BTBD16: variants seen among roughly 807,000 people sequenced by gnomAD.
BTBD16 encodes the protein BTB domain containing 16, also known as BTB/POZ domain-containing protein 16.
Under a neutral mutation model 67.4 loss-of-function variants are expected in BTBD16, and 66 were observed. The ratio of observed to expected loss-of-function variants is 0.98; its 90% CI spans 0.80 to 1.20. BTBD16 has a LOEUF of 1.20. BTBD16 is among the 50% of genes most tolerant of loss of function. The probability of loss-of-function intolerance (pLI) is 0.00; values close to 1 mark genes in which losing one functional copy is unlikely to be tolerated. For synonymous variants in BTBD16, 242 were observed against 236.4 expected (o/e 1.02, Z -0.22); for missense variants, 634 against 616.0 (o/e 1.03, Z -0.31).
intron 6 of BTBD16, among the ~76,000 whole-genome samples, chr10:122,290,781 C>G (rs544928126): frequency 2.6e-5 from 4 of 152,174 alleles, no homozygotes; most frequent in African/African-American, 9.7e-5. Context: ...CACATTCCTG[C>G]GCAGGCCACA....
chr10:122,294,491 TCACA>T (rs1169482474), intron 7 of BTBD16, among the ~76,000 whole-genome samples: 2 of 152,208 alleles, frequency 1.3e-5, no homozygotes, highest in Admixed American at 1.3e-4. Context: ...TGGGCTGGAG[TCACA>T]GCAGGGATTG....
chr10:122,280,181 ATACTGTCT>A (rs1215704814), intron 3 of BTBD16, among the ~76,000 whole-genome samples: 1 of 152,188 alleles, frequency 6.6e-6, no homozygotes, highest in African/African-American at 2.4e-5. Flanking sequence ...CAAATCACGG[ATACTGTCT>A]TACAGGGTTG....
intron 10 of BTBD16, among the ~76,000 whole-genome samples, chr10:122,308,952 G>A (rs1022781): frequency 0.014 from 2,071 of 152,192 alleles, 33 homozygotes; most frequent in South Asian, 0.048. Context: ...CTGTCCATCC[G>A]TGATGGGGGC....
At chr10:122,326,796 C>T (rs779145465) in intron 10 of BTBD16, among the ~76,000 whole-genome samples, 42 of 152,276 alleles carry the variant, frequency 2.8e-4, no homozygotes, top group South Asian at 6.2e-4. Context: ...CAGGGTTTCT[C>T]AGTGAACTTT....
chr10:122,327,574 G>C (rs997683250), intron 10 of BTBD16: 4 of 985,354 alleles, frequency 4.1e-6, no homozygotes, highest in Non-Finnish European at 4.8e-6. Flanking sequence ...CCTGCCTCGG[G>C]GGTCCCAGCT....
At chr10:122,299,886 C>T (rs2096390631) in intron 9 of BTBD16, among the ~76,000 whole-genome samples, 1 of 152,172 alleles carries the variant, frequency 6.6e-6, no homozygotes, top group Non-Finnish European at 1.5e-5. Flanking sequence ...CAGCCTTTGC[C>T]TCTGGTGACC....
At chr10:122,303,642 A>G (rs1296127355) in intron 9 of BTBD16, 2 of 836,422 alleles carry the variant, frequency 2.4e-6, no homozygotes, top group Non-Finnish European at 2.9e-6. Flanking sequence ...TTGTTTATAT[A>G]TAATTTTCTC....
intron 15 of BTBD16, among the ~76,000 whole-genome samples, chr10:122,337,173 G>T (rs2096464582): frequency 6.6e-6 from 1 of 152,178 alleles, no homozygotes; most frequent in African/African-American, 2.4e-5. Flanking sequence ...ATAAGACTTT[G>T]CTACAAGCCA....
At chr10:122,334,814 G>T in intron 13 of BTBD16, 67 bp from the exon 14 acceptor site, 4 of 986,526 alleles carry the variant, frequency 4.1e-6, no homozygotes, top group Non-Finnish European at 4.8e-6. Flanking sequence ...GAACCACCAC[G>T]CCCGGGTGAC....
chr10:122,316,922 G>A (rs1049843745), intron 10 of BTBD16, among the ~76,000 whole-genome samples: 4 of 152,096 alleles, frequency 2.6e-5, no homozygotes, highest in African/African-American at 9.7e-5. Flanking sequence ...TGAGTAGCTG[G>A]GATTACAGGC....
intron 10 of BTBD16, among the ~76,000 whole-genome samples, chr10:122,321,013 C>A (rs148908163): frequency 6.6e-6 from 1 of 152,136 alleles, no homozygotes; most frequent in Non-Finnish European, 1.5e-5. Context: ...CCTCCCTCCC[C>A]ACTCTAGTAG....
chr10:122,326,612 C>T (rs772478220), intron 10 of BTBD16, among the ~76,000 whole-genome samples: 30 of 152,168 alleles, frequency 2.0e-4, no homozygotes, highest in Non-Finnish European at 3.8e-4. Context: ...TGGCGAAGAG[C>T]ACCTCTAAAA....
At chr10:122,319,376 A>T (rs1018411455) in intron 10 of BTBD16, among the ~76,000 whole-genome samples, 2 of 152,078 alleles carry the variant, frequency 1.3e-5, no homozygotes, top group African/African-American at 4.8e-5. Context: ...ATTTATATTT[A>T]TGATTAATTT....
intron 6 of BTBD16, 96 bp downstream of exon 6, chr10:122,290,094 A>G (rs2096371147): frequency 1.2e-6 from 1 of 814,166 alleles, no homozygotes; most frequent in African/African-American, 1.7e-5. Context: ...AAAACAAACC[A>G]ACAGTAGACA....
chr10:122,283,784 G>A, intron 3 of BTBD16, 67 bp from the exon 4 acceptor site: 1 of 1,178,652 alleles, frequency 8.5e-7, no homozygotes, highest in East Asian at 2.4e-5. Context: ...CTAGAATAAT[G>A]CATGTTGTAG....
intron 3 of BTBD16, among the ~76,000 whole-genome samples, chr10:122,283,261 G>A (rs2096356703): frequency 6.6e-6 from 1 of 152,240 alleles, no homozygotes; most frequent in Non-Finnish European, 1.5e-5. Context: ...AGCAAGAACA[G>A]CAAAGAGAGA....
At chr10:122,319,095 T>A (rs2096431215) in intron 10 of BTBD16, among the ~76,000 whole-genome samples, 3 of 152,258 alleles carry the variant, frequency 2.0e-5, no homozygotes, top group African/African-American at 7.2e-5. Flanking sequence ...TATTATTGAC[T>A]TGTGAGTATT....
rs1205860772 is a variant in BTBD16 at position 122,276,923 on chromosome 10, T to C, written c.151T>C (p.Leu51=). 1.2e-6 allele frequency: 2 copies of C among 1,614,062 alleles called. No individual in the cohort carries two copies. The highest frequency in any genetic ancestry group is 2.2e-5 in the South Asian group (2 of 91,060). The change falls in exon 3 of 16, where the codon TTG becomes CTG. Residue 51 remains leucine (L), a synonymous_variant. Transcript: ENST00000260723. ...TCTGAGCATAGACTTTGAGGAAGCTTTGAGGAACCCAGACAGGTATGGAGA... is the reference window on the plus strand; with the variant it reads ...TCTGAGCATAGACTTTGAGGAAGCTCTGAGGAACCCAGACAGGTATGGAGA... ...KALSIDFEEA[L]RNPDRLCISQ... is the part of the protein sequence containing the mutation.
intron 3 of BTBD16, among the ~76,000 whole-genome samples, chr10:122,282,211 T>A (rs2096354603): frequency 6.6e-6 from 1 of 152,296 alleles, no homozygotes; most frequent in South Asian, 2.1e-4. Context: ...AGTCTGTGGC[T>A]CCATTTTGGG....
Sources: allele counts gnomAD v4.1 joint callset (sites outside exome capture counted in the v4.1 genomes callset), GRCh38; gene constraint gnomAD v4.1.1; transcripts MANE v1.5; gene names NCBI Gene and HGNC (gene_info 2026-07-23, HGNC 2026-07-21).